Variants in MITF observed in about 807,000 individuals in gnomAD.
The protein encoded by MITF is melanocyte inducing transcription factor.
A neutral mutation model predicts 60.5 loss-of-function variants in MITF; 17 were observed. That is an observed-to-expected ratio of 0.28 (90% confidence interval 0.19 to 0.42). The LOEUF (loss-of-function observed/expected upper bound fraction) is 0.42. Among genes scored for constraint, MITF ranks in the 10% least tolerant of loss-of-function variants. The probability of loss-of-function intolerance (pLI) is 1.00; values close to 1 mark genes in which losing one functional copy is unlikely to be tolerated. For synonymous variants in MITF, 260 were observed against 248.5 expected, an observed-to-expected ratio of 1.05 and a Z score of -0.43; for missense variants, 622 against 683.5, an observed-to-expected ratio of 0.91 and a Z score of 1.00.
intron 1 of MITF, among the ~76,000 whole-genome samples, chr3:69,743,771 G>T (rs1305526756): frequency 6.6e-6 from 1 of 152,200 alleles, no homozygotes; most frequent in Admixed American, 6.5e-5. Context: ...CATAGTCATG[G>T]CAGGGAAACA....
chr3:69,944,896 A>AT (rs112163134), intron 5 of MITF, among the ~76,000 whole-genome samples: 5,155 of 152,098 alleles, frequency 0.034, 185 homozygotes, highest in African/African-American at 0.092. Flanking sequence ...TAACATTTTA[A>AT]TTTTTTCCCA....
intron 1 of MITF, among the ~76,000 whole-genome samples, chr3:69,759,492 A>G (rs1055019574): frequency 6.6e-6 from 1 of 152,236 alleles, no homozygotes; most frequent in African/African-American, 2.4e-5. Flanking sequence ...GGGGGACTCA[A>G]ACTTCTTGCT....
intron 9 of MITF, among the ~76,000 whole-genome samples, chr3:69,960,711 C>G (rs980076373): frequency 6.6e-6 from 1 of 152,174 alleles, no homozygotes; most frequent in Admixed American, 6.5e-5. Flanking sequence ...AGTTATTTTA[C>G]GAAACAGCAA....
chr3:69,957,184 G>T (rs1025469391), intron 8 of MITF, among the ~76,000 whole-genome samples: 8 of 152,082 alleles, frequency 5.3e-5, no homozygotes, highest in Non-Finnish European at 1.0e-4. Context: ...CCAGCCTATA[G>T]TTACCTGCAA....
chr3:69,796,805 T>C (rs1224877646), intron 1 of MITF, among the ~76,000 whole-genome samples: 3 of 152,190 alleles, frequency 2.0e-5, no homozygotes, highest in Non-Finnish European at 4.4e-5. Flanking sequence ...TCATGAAACA[T>C]AACCTGGGAC....
intron 2 of MITF, among the ~76,000 whole-genome samples, chr3:69,881,371 A>G (rs906983032): frequency 6.6e-6 from 1 of 152,114 alleles, no homozygotes; most frequent in African/African-American, 2.4e-5. Context: ...ATAAATAAAA[A>G]TAAGGAATTA....
intron 2 of MITF, among the ~76,000 whole-genome samples, chr3:69,933,091 A>G (rs998089592): frequency 1.3e-5 from 2 of 152,076 alleles, no homozygotes; most frequent in Non-Finnish European, 2.9e-5. Flanking sequence ...AAGTGGGAAG[A>G]TCACTTGAGC....
chr3:69,799,996 T>C (rs143261457), intron 1 of MITF, among the ~76,000 whole-genome samples: 8 of 152,356 alleles, frequency 5.3e-5, no homozygotes, highest in African/African-American at 1.9e-4. Context: ...TTTTAACATG[T>C]ACACTTCAGT....
At chr3:69,946,124 G>A (rs1245088842) in intron 5 of MITF, among the ~76,000 whole-genome samples, 2 of 152,146 alleles carry the variant, frequency 1.3e-5, no homozygotes, top group Non-Finnish European at 2.9e-5. Context: ...GAAGTAGCAG[G>A]CACTGTTTCA....
At chr3:69,948,089 A>AGT (rs1235397310) in intron 5 of MITF, among the ~76,000 whole-genome samples, 5 of 152,212 alleles carry the variant, frequency 3.3e-5, no homozygotes, top group African/African-American at 1.2e-4. Context: ...AACGACTTAA[A>AGT]GTCTTACCCA....
chr3:69,851,199 T>C (rs1404732716), intron 1 of MITF, among the ~76,000 whole-genome samples: 4 of 152,212 alleles, frequency 2.6e-5, no homozygotes, highest in Non-Finnish European at 4.4e-5. Context: ...AAAATCTCTT[T>C]ACAGAAAATA....
At chr3:69,818,321 TG>T (rs1263290437) in intron 1 of MITF, among the ~76,000 whole-genome samples, 1 of 152,226 alleles carries the variant, frequency 6.6e-6, no homozygotes, top group Non-Finnish European at 1.5e-5. Flanking sequence ...ATCCTTCTTC[TG>T]TTTCCTCTTA....
intron 1 of MITF, among the ~76,000 whole-genome samples, chr3:69,814,417 T>A (rs1287483345): frequency 6.6e-6 from 1 of 152,062 alleles, no homozygotes; most frequent in Non-Finnish European, 1.5e-5. Flanking sequence ...CTGCCTTAAT[T>A]TCCCAGGCTC....
chr3:69,779,766 TA>T (rs2062533228), intron 1 of MITF, among the ~76,000 whole-genome samples: 1 of 152,194 alleles, frequency 6.6e-6, no homozygotes, highest in Admixed American at 6.5e-5. Flanking sequence ...TTGTGAGAAG[TA>T]CTGAGATATC....
chr3:69,953,848 G>T (rs2066330264), intron 7 of MITF, among the ~76,000 whole-genome samples: 1 of 151,912 alleles, frequency 6.6e-6, no homozygotes, highest in South Asian at 2.1e-4. Context: ...AGTAAGATGA[G>T]CAAGGGTCAG....
intron 2 of MITF, among the ~76,000 whole-genome samples, chr3:69,881,855 AATTCGCTTAATTTTT>A (rs2064496971): frequency 6.6e-6 from 1 of 152,196 alleles, no homozygotes; most frequent in African/African-American, 2.4e-5. Flanking sequence ...GGCCTGAGTA[AATTCGCTTAATTTTT>A]AAAGGTTTAA....
At chr3:69,800,306 A>C (rs1234492467) in intron 1 of MITF, among the ~76,000 whole-genome samples, 1 of 152,196 alleles carries the variant, frequency 6.6e-6, no homozygotes, top group South Asian at 2.1e-4. Context: ...TGGACAAGTA[A>C]TATTCCAGTG....
chr3:69,764,475 A>G (rs1388272291), intron 1 of MITF, among the ~76,000 whole-genome samples: 2 of 152,238 alleles, frequency 1.3e-5, no homozygotes, highest in African/African-American at 4.8e-5. Context: ...GTAGGAACAT[A>G]GGGATTTGAA....
At chr3:69,948,029 T>C (rs2066143324) in intron 5 of MITF, among the ~76,000 whole-genome samples, 1 of 152,194 alleles carries the variant, frequency 6.6e-6, no homozygotes, top group Non-Finnish European at 1.5e-5. Flanking sequence ...AATGTACTTT[T>C]CTCAGATGTA....
Sources: gnomAD v4.1 joint callset for allele counts (sites outside exome capture counted in the v4.1 genomes callset) on GRCh38, gnomAD v4.1.1 for gene constraint, MANE v1.5 for transcripts, NCBI Gene and HGNC (gene_info 2026-07-23, HGNC 2026-07-21) for gene names.